The following PREX1 variants were observed in gnomAD, a reference collection of about 807,000 sequenced individuals.
PREX1 encodes phosphatidylinositol-3,4,5-trisphosphate dependent Rac exchange factor 1.
A neutral mutation model predicts 198.3 loss-of-function variants in PREX1; 41 were observed. The observed-to-expected ratio is 0.21, with a 90% CI of 0.16 to 0.27. The LOEUF is 0.27. PREX1 is among the 10% of genes least tolerant of loss of function. PREX1 has a pLI of 1.00. For synonymous variants in PREX1, 843 were observed against 887.2 expected (o/e 0.95, Z 0.89); for missense variants, 1,620 against 2,200.7 (o/e 0.74, Z 5.28).
chr20:48,641,690 G>A (rs1172027869), intron 29 of PREX1, among the ~76,000 whole-genome samples: 1 of 151,946 alleles, frequency 6.6e-6, no homozygotes, highest in Admixed American at 6.6e-5. Context: ...TACTTAGGAG[G>A]CTGAGTTGTG....
Position 48,665,258 on chromosome 20 carries a change from C to T in PREX1, c.1738+1025G>A, listed in dbSNP as rs568495416. The stretch of plus-strand genomic sequence containing the variant: ...GGCTCCAGATGGCCTGAATTCTAAT[C>T]CCGCCCCAGACGGCCTGAATTCTAA... On this transcript the variant is annotated intron_variant, in intron 15 of 39. Coordinates refer to ENST00000371941, the MANE Select transcript of PREX1 (RefSeq NM_020820.4). Among the ~76,000 whole-genome samples, 17 of 146,916 alleles carry T rather than the reference C, an allele frequency of 1.2e-4. No individual in the cohort carries two copies. In the South Asian group the frequency reaches 3.5e-3, roughly 30 times the overall value.
chr20:48,644,207 G>A (rs1264933393), intron 27 of PREX1, among the ~76,000 whole-genome samples: 2 of 152,196 alleles, frequency 1.3e-5, no homozygotes, highest in African/African-American at 4.8e-5. Flanking sequence ...TTCTTTCGCT[G>A]CCGCATTCCC....
intron 3 of PREX1, 93 bp downstream of exon 3, chr20:48,744,932 A>G: frequency 6.7e-7 from 1 of 1,502,152 alleles, no homozygotes; most frequent in East Asian, 2.3e-5. Flanking sequence ...AGGCCTACAG[A>G]GGAAGCTGGT....
At chr20:48,663,523 G>A (rs1485169175) in intron 15 of PREX1, among the ~76,000 whole-genome samples, 1 of 152,204 alleles carries the variant, frequency 6.6e-6, no homozygotes, top group Admixed American at 6.5e-5. Flanking sequence ...GTGAGACTTC[G>A]TCTCAAAAAA....
chr20:48,657,994 T>C, intron 17 of PREX1, 142 bp downstream of exon 17: 1 of 849,446 alleles, frequency 1.2e-6, no homozygotes. Context: ...CTGGACTCAG[T>C]TTCTCCACGT....
chr20:48,778,939 T>C (rs2122913860), intron 1 of PREX1, among the ~76,000 whole-genome samples: 1 of 152,070 alleles, frequency 6.6e-6, no homozygotes, highest in Middle Eastern at 3.4e-3. Context: ...CCTTGTGACC[T>C]GAGATTAAGA....
At chr20:48,879,302 C>T in the PREX1 span, among the ~76,000 whole-genome samples, 7 of 152,162 alleles carry the variant, frequency 4.6e-5, no homozygotes, top group African/African-American at 1.2e-4. Flanking sequence ...TTCCCTTTTA[C>T]GTTCTTTACC....
intron 32 of PREX1, among the ~76,000 whole-genome samples, chr20:48,636,053 G>A (rs6066792): frequency 2.0e-5 from 3 of 152,146 alleles, no homozygotes; most frequent in Non-Finnish European, 2.9e-5. Flanking sequence ...GTGACTCTCA[G>A]GTCCTGGCCG....
the PREX1 span, among the ~76,000 whole-genome samples, chr20:48,834,591 C>T: frequency 6.6e-6 from 1 of 151,918 alleles, no homozygotes; most frequent in East Asian, 1.9e-4. Flanking sequence ...TAGGGTCTCA[C>T]TCTTGTCACC....
intron 3 of PREX1, among the ~76,000 whole-genome samples, chr20:48,737,215 CAAAAAAAAAAAA>C (rs140010281): frequency 1.8e-3 from 63 of 35,300 alleles, no homozygotes; most frequent in South Asian, 0.013. Context: ...GTTTTGACAG[CAAAAAAAAAAAA>C]AAAAAAAAAA....
At position 48,778,425 on chromosome 20, in the gene PREX1, CA is replaced by C. The variant is rs35297652; in HGVS notation, c.220-30546del. ...CCCGTCTCTACTAAAAGTCAAAAAT[CA>C]AAAAAAAAAAAAAAAAATTAGCCAG... On this transcript the variant is annotated intron_variant, in intron 1 of 39. Transcript: ENST00000371941. 7.0e-3 allele frequency among the ~76,000 whole-genome samples: 817 copies of C among 117,474 alleles called. 1 individual carries two copies. Among genetic ancestry groups the C allele is most frequent in the Middle Eastern group, 8.8e-3 (2 of 226 alleles). 77.1% of individuals were successfully genotyped at this position (117,474 alleles called of 152,430 possible).
chr20:48,821,284 G>A (rs1435945036), intron 1 of PREX1, among the ~76,000 whole-genome samples: 7 of 152,172 alleles, frequency 4.6e-5, no homozygotes, highest in Non-Finnish European at 1.0e-4. Context: ...CTCTTCCCAG[G>A]TATCTGGGGA....
chr20:48,693,709 G>T lies in PREX1; in HGVS notation c.918-919C>A, dbSNP rs191368081. On this transcript the variant is annotated intron_variant, in intron 7 of 39. Transcript: ENST00000371941. ...GCAACCTCCGCCTGCTGGGTTACAA[G>T]CGATTCTCCTGCCTCAGCCTCCCGA... Among the ~76,000 whole-genome samples, 266 of 151,480 alleles carry T rather than the reference G, an allele frequency of 1.8e-3. 2 individuals carry two copies. Among genetic ancestry groups the T allele is most frequent in the African/African-American group, 6.3e-3 (259 of 41,238 alleles).
In PREX1 at chr20:48,700,855, A is replaced by T; in HGVS notation, c.815T>A (p.Leu272His). ...CTTTAACAAAGTCCCTTGCAGGAGG[A>T]GCTGAGTGCAGATGTCTGTGAGGTT... ...GSNLTDICTQ[L>H]LLQGTLLKIS... The change falls in exon 7 of 40, where the codon CTC becomes CAC. Residue 272 changes from leucine (L) to histidine (H), a missense_variant. Coordinates refer to ENST00000371941, the MANE Select transcript of PREX1 (RefSeq NM_020820.4). The T allele has an allele frequency of 6.2e-7, 1 of 1,614,200 alleles. No homozygotes were observed. Among genetic ancestry groups the T allele is most frequent in the Non-Finnish European group, 8.5e-7 (1 of 1,180,036 alleles).
At chr20:48,777,321 C>A (rs2090267072) in intron 1 of PREX1, among the ~76,000 whole-genome samples, 1 of 152,194 alleles carries the variant, frequency 6.6e-6, no homozygotes, top group Admixed American at 6.5e-5. Context: ...CCCGGCCACA[C>A]ACCACCATTC....
chr20:48,721,115 C>T (rs1013167205), intron 5 of PREX1, among the ~76,000 whole-genome samples: 3 of 152,200 alleles, frequency 2.0e-5, no homozygotes, highest in Admixed American at 2.0e-4. Context: ...TTTCTGGATT[C>T]AGAAACAGTT....
chr20:48,856,850 G>A, the PREX1 span, among the ~76,000 whole-genome samples: 1 of 151,878 alleles, frequency 6.6e-6, no homozygotes, highest in South Asian at 2.1e-4. Context: ...TTCTTTTTTT[G>A]TTTTGTTTTG....
At chr20:48,637,447 G>A (rs369161139) in intron 31 of PREX1, among the ~76,000 whole-genome samples, 27 of 152,344 alleles carry the variant, frequency 1.8e-4, no homozygotes, top group South Asian at 6.2e-4. Flanking sequence ...CCGGCACAAG[G>A]CCCCCTAACA....
the PREX1 span, among the ~76,000 whole-genome samples, chr20:48,885,132 G>A: frequency 2.6e-5 from 4 of 152,116 alleles, no homozygotes; most frequent in Non-Finnish European, 4.4e-5. Flanking sequence ...ATGAGTTAAC[G>A]CATATAAAGA....
Sources: gnomAD v4.1 joint callset for allele counts (sites outside exome capture counted in the v4.1 genomes callset) on GRCh38, gnomAD v4.1.1 for gene constraint, MANE v1.5 for transcripts, NCBI Gene and HGNC (gene_info 2026-07-23, HGNC 2026-07-21) for gene names.